The following PRKCA variants were observed in gnomAD, a reference collection of about 807,000 sequenced individuals.
PRKCA encodes protein kinase C alpha type.
Under a neutral mutation model 87.0 loss-of-function variants are expected in PRKCA, and 27 were observed. The observed-to-expected ratio is 0.31, with a 90% CI of 0.23 to 0.43. The LOEUF is 0.43. Ranked by LOEUF, PRKCA falls within the 20% of genes least tolerant of loss-of-function variation. PRKCA has a pLI of 1.00. For missense variants in PRKCA, 518 were observed against 852.3 expected, an observed-to-expected ratio of 0.61 and a Z score of 4.88; for synonymous variants, 329 against 311.1, an observed-to-expected ratio of 1.06 and a Z score of -0.61.
chr17:66,653,162 G>T (rs568344165), intron 5 of PRKCA, among the ~76,000 whole-genome samples: 9 of 152,380 alleles, frequency 5.9e-5, no homozygotes, highest in South Asian at 2.1e-4. Context: ...ATGGGCAGGG[G>T]CTGCCTGGGA....
intron 4 of PRKCA, among the ~76,000 whole-genome samples, chr17:66,642,866 A>G (rs1475077868): frequency 2.0e-5 from 3 of 152,060 alleles, no homozygotes; most frequent in African/African-American, 7.2e-5. Context: ...AACATAGCGA[A>G]ACCCCGTCTC....
intron 14 of PRKCA, among the ~76,000 whole-genome samples, chr17:66,785,372 A>C (rs956026269): frequency 1.4e-4 from 21 of 152,144 alleles, no homozygotes; most frequent in Non-Finnish European, 1.2e-4. Flanking sequence ...TTCAGTTCAA[A>C]ATTAAGCCAA....
At chr17:66,465,110 G>T (rs139306334) in intron 2 of PRKCA, among the ~76,000 whole-genome samples, 5 of 152,216 alleles carry the variant, frequency 3.3e-5, no homozygotes, top group Non-Finnish European at 5.9e-5. Context: ...GTAAATAAAT[G>T]AATGACTAGG....
At chr17:66,475,074 A>G (rs1915482980) in intron 2 of PRKCA, among the ~76,000 whole-genome samples, 1 of 152,176 alleles carries the variant, frequency 6.6e-6, no homozygotes, top group East Asian at 1.9e-4. Flanking sequence ...GTCTTCAGGT[A>G]TTTGCAGACA....
intron 13 of PRKCA, among the ~76,000 whole-genome samples, chr17:66,762,632 C>T (rs986730805): frequency 4.6e-5 from 7 of 152,136 alleles, no homozygotes; most frequent in East Asian, 3.9e-4. Context: ...CTGTTTATGA[C>T]GCTCTGGTCT....
At chr17:66,644,298 A>G (rs1354060863) in intron 4 of PRKCA, among the ~76,000 whole-genome samples, 4 of 152,312 alleles carry the variant, frequency 2.6e-5, no homozygotes. Flanking sequence ...TTACTTTGTC[A>G]TGTTAAAATT....
chr17:66,322,730 C>G (rs1424284504), intron 2 of PRKCA, among the ~76,000 whole-genome samples: 3 of 151,786 alleles, frequency 2.0e-5, no homozygotes, highest in Non-Finnish European at 4.4e-5. Context: ...CTCGGCATCC[C>G]ACAGTAGTGG....
At chr17:66,490,175 T>G (rs1229066840) in intron 2 of PRKCA, among the ~76,000 whole-genome samples, 1 of 152,190 alleles carries the variant, frequency 6.6e-6, no homozygotes, top group Non-Finnish European at 1.5e-5. Context: ...CCTCTTCCTA[T>G]TCCTCTTATT....
In PRKCA at chr17:66,764,092, T is replaced by A. The variant is rs553242488; in HGVS notation, c.1525-9895T>A. Among the ~76,000 whole-genome samples the A allele has an allele frequency of 2.0e-5, 3 of 152,336 alleles. No individual in the cohort carries two copies. The East Asian group carries it at 5.8e-4, about 29-fold the overall frequency. On this transcript the variant is annotated intron_variant, in intron 13 of 16. Transcript: ENST00000413366. ...GGGTTCTAATCCAAGCGTTGCTGCTTGCAAGCTCTGTAACATTGGACAAGC... is the reference window on the plus strand; with the variant it reads ...GGGTTCTAATCCAAGCGTTGCTGCTAGCAAGCTCTGTAACATTGGACAAGC...
chr17:66,551,396 T>A (rs1968325003), intron 3 of PRKCA, among the ~76,000 whole-genome samples: 1 of 152,172 alleles, frequency 6.6e-6, no homozygotes, highest in South Asian at 2.1e-4. Context: ...AAGACTTGAG[T>A]AGGGGAGGAC....
At chr17:66,799,061 G>GTGATGGTGGTGATGGTGA (rs1975792011) in intron 16 of PRKCA, among the ~76,000 whole-genome samples, 1 of 32,454 alleles carries the variant, frequency 3.1e-5, no homozygotes, top group Non-Finnish European at 7.6e-5. Context: ...GATGGTGGTG[G>GTGATGGTGGTGATGGTGA]TGGTGGTGGT....
chr17:66,344,917 C>T (rs1304790166), intron 2 of PRKCA, among the ~76,000 whole-genome samples: 2 of 152,138 alleles, frequency 1.3e-5, no homozygotes, highest in African/African-American at 2.4e-5. Flanking sequence ...AGGCACGTGC[C>T]GCCACACCTC....
At chr17:66,310,429 T>C (rs551358425) in intron 2 of PRKCA, among the ~76,000 whole-genome samples, 1 of 152,310 alleles carries the variant, frequency 6.6e-6, no homozygotes, top group South Asian at 2.1e-4. Flanking sequence ...TCAATGATGC[T>C]ACTAAAGTTG....
chr17:66,364,835 A>G (rs189513072), intron 2 of PRKCA, among the ~76,000 whole-genome samples: 20 of 152,250 alleles, frequency 1.3e-4, no homozygotes, highest in African/African-American at 4.8e-4. Flanking sequence ...GCATAACCCC[A>G]TCTGATTTTA....
chr17:66,490,744 C>G lies in PRKCA; in HGVS notation c.206-5457C>G, dbSNP rs376154727. On this transcript the variant is annotated intron_variant, in intron 2 of 16. Transcript: ENST00000413366. ...TACAGGCACAAGCCACTATGCCTTGCTAATTTTTGTATTTTTAGTAGAGAC... is the reference window on the plus strand; with the variant it reads ...TACAGGCACAAGCCACTATGCCTTGGTAATTTTTGTATTTTTAGTAGAGAC... 7.2e-5 allele frequency among the ~76,000 whole-genome samples: 11 copies of G among 152,132 alleles called. No individual in the cohort carries two copies. The East Asian group carries it at 2.1e-3, about 29-fold the overall frequency.
intron 8 of PRKCA, among the ~76,000 whole-genome samples, chr17:66,715,121 T>C (rs1351471211): frequency 2.0e-5 from 3 of 151,274 alleles, no homozygotes; most frequent in South Asian, 2.1e-4. Flanking sequence ...GGATGTGTTT[T>C]GTTTTTTGGT....
intron 2 of PRKCA, among the ~76,000 whole-genome samples, chr17:66,488,998 A>G (rs1916102272): frequency 6.6e-6 from 1 of 152,118 alleles, no homozygotes; most frequent in African/African-American, 2.4e-5. Context: ...TTTTCCTTTC[A>G]TTATATTCTG....
chr17:66,379,872 C>T (rs527704643), intron 2 of PRKCA, among the ~76,000 whole-genome samples: 11 of 151,752 alleles, frequency 7.2e-5, no homozygotes, highest in East Asian at 1.9e-4. Context: ...GTGATCTTTT[C>T]GAGTTAATTT....
At chr17:66,388,952 A>G (rs372541546) in intron 2 of PRKCA, among the ~76,000 whole-genome samples, 7 of 152,198 alleles carry the variant, frequency 4.6e-5, no homozygotes, top group African/African-American at 1.7e-4. Flanking sequence ...GGAAAGAAAC[A>G]CATAGAGATG....
Sources: gnomAD v4.1 joint callset for allele counts (sites outside exome capture counted in the v4.1 genomes callset) on GRCh38, gnomAD v4.1.1 for gene constraint, MANE v1.5 for transcripts, NCBI Gene and HGNC (gene_info 2026-07-23, HGNC 2026-07-21) for gene names.